Variants in GABPB1 observed in about 807,000 individuals in gnomAD.
GABPB1 encodes GA-binding protein subunit beta-1.
Under a neutral mutation model 45.9 loss-of-function variants are expected in GABPB1, and 15 were observed. That is an observed-to-expected ratio of 0.33 (90% confidence interval 0.22 to 0.50). The LOEUF (loss-of-function observed/expected upper bound fraction) is 0.50, where lower values mean the gene tolerates loss of function less well. Among genes scored for constraint, GABPB1 ranks in the 20% least tolerant of loss-of-function variants. The probability of loss-of-function intolerance (pLI) is 0.98; values close to 1 mark genes in which losing one functional copy is unlikely to be tolerated. For synonymous variants in GABPB1, 143 were observed against 154.4 expected (o/e 0.93, Z 0.55); for missense variants, 252 against 457.5 (o/e 0.55, Z 4.10).
chr15:50,310,531 A>T (rs1402543044), intron 1 of GABPB1, among the ~76,000 whole-genome samples: 1 of 152,198 alleles, frequency 6.6e-6, no homozygotes, highest in Non-Finnish European at 1.5e-5. Context: ...CTTAGCATAA[A>T]TTTTTTTGCA....
Position 50,334,505 on chromosome 15 carries a change from C to CTTTT in GABPB1, c.-1+20476_-1+20479dup, listed in dbSNP as rs60433481. Among the ~76,000 whole-genome samples the CTTTT allele has an allele frequency of 2.5e-3, 275 of 109,372 alleles. 3 individuals carry two copies. The highest frequency in any genetic ancestry group is 2.8e-3 in the African/African-American group (75 of 26,490). The allele number at this position is 109,372 out of a possible 152,430, so 71.8% of individuals were successfully genotyped here. A position where few individuals can be genotyped will look rare whatever the true frequency, so the allele number is the denominator to read the frequency against. On this transcript the variant is annotated intron_variant, in intron 1 of 8. Transcript: ENST00000380877. ...GTTACTTTATCTTTTTCTTTTTTTC[C>CTTTT]TTTTTTTTTTTTTTTTTTTTTTGAG...
intron 8 of GABPB1, among the ~76,000 whole-genome samples, chr15:50,279,274 T>C (rs1036815077): frequency 2.0e-5 from 3 of 152,028 alleles, no homozygotes; most frequent in African/African-American, 7.2e-5. Context: ...ATGAGAAAAA[T>C]GATGCTCAGG....
chr15:50,318,232 T>A (rs1475348487), intron 1 of GABPB1, among the ~76,000 whole-genome samples: 2 of 152,174 alleles, frequency 1.3e-5, no homozygotes, highest in Non-Finnish European at 2.9e-5. Flanking sequence ...AGACCCTTAT[T>A]CTCAATTCTT....
At position 50,309,685 on chromosome 15, in the gene GABPB1, C is replaced by A; in HGVS notation, c.108+6G>T. Reference sequence around the variant, plus strand: ...AAGAACACACAATATTAAAATCATTCTTTACCCAGTCTGTAGTAAAGGGAG... The same window carrying A: ...AAGAACACACAATATTAAAATCATTATTTACCCAGTCTGTAGTAAAGGGAG... On this transcript the variant is annotated splice_donor_region_variant and intron_variant, in intron 2 of 8. Transcript: ENST00000380877. 1 of 1,506,180 alleles carries A rather than the reference C, an allele frequency of 6.6e-7. No individual in the cohort carries two copies. The highest frequency in any genetic ancestry group is 1.4e-5 in the African/African-American group (1 of 72,762). The allele number at this position is 1,506,180 out of a possible 1,614,324, so 93.3% of individuals were successfully genotyped here.
At position 50,275,602 on chromosome 15, in the gene GABPB1, T is replaced by C. The variant is rs2045829774; in HGVS notation, c.*3030A>G. The C allele has an allele frequency of 6.6e-6, 1 of 152,180 alleles. No individual in the cohort carries two copies. Among genetic ancestry groups the C allele is most frequent in the African/African-American group, 2.4e-5 (1 of 41,446 alleles). 9.4% of individuals were successfully genotyped at this position (152,180 alleles called of 1,614,324 possible). On this transcript the variant is annotated 3_prime_UTR_variant, in exon 9 of 9. Transcript: ENST00000380877. ...AGCTTTCATTACATGAGATTTCCCA[T>C]TTATCCTCTTTTCTCTCTAATTGTC...
Position 50,303,964 on chromosome 15 carries a change from A to G in GABPB1, c.276+2T>C. 1.9e-6 allele frequency: 3 copies of G among 1,590,024 alleles called. No individual in the cohort carries two copies. Among genetic ancestry groups the G allele is most frequent in the Non-Finnish European group, 2.6e-6 (3 of 1,171,204 alleles). ...AGCAAAGTGCAAAAAGAGAACACAT[A>G]CCTTAAGTAAAACCTCTACTATGCT... On this transcript the variant is annotated splice_donor_variant, in intron 3 of 8. Transcript: ENST00000380877. LOFTEE classifies it high-confidence loss of function.
intron 1 of GABPB1, chr15:50,348,846 G>A (rs185681849): frequency 1.3e-4 from 20 of 152,086 alleles, no homozygotes; most frequent in African/African-American, 4.8e-4. Flanking sequence ...TGGCGACAGA[G>A]TGAGACTCCA....
At chr15:50,325,769 G>C (rs1042672715) in intron 1 of GABPB1, among the ~76,000 whole-genome samples, 3 of 151,922 alleles carry the variant, frequency 2.0e-5, no homozygotes, top group African/African-American at 7.3e-5. Flanking sequence ...CTAACCTCGT[G>C]ATCTGCCTGC....
chr15:50,283,845 T>C (rs2046074913), intron 8 of GABPB1, among the ~76,000 whole-genome samples: 1 of 152,216 alleles, frequency 6.6e-6, no homozygotes, highest in Admixed American at 6.5e-5. Flanking sequence ...ACAGTCACTC[T>C]GGTCATTGCA....
rs188726899 is a variant in GABPB1, at chr15:50,338,729, A to G, written c.-1+16256T>C. Among the ~76,000 whole-genome samples the G allele has an allele frequency of 6.0e-4, 91 of 151,002 alleles. 1 individual carries two copies. The highest frequency in any genetic ancestry group is 2.1e-3 in the African/African-American group (85 of 41,158). ...ACTTAAGTGATCCACCCGGGCCTTG[A>G]AAAGTGCCAGGATTACAGGCGTGAG... is the stretch of plus-strand genomic sequence containing the variant. On this transcript the variant is annotated intron_variant, in intron 1 of 8. Transcript: ENST00000380877.
At position 50,328,932 on chromosome 15, in the gene GABPB1, T is replaced by C. The variant is rs563241439; in HGVS notation, c.1-19134A>G. 3.9e-5 allele frequency among the ~76,000 whole-genome samples: 6 copies of C among 152,326 alleles called. No homozygotes were observed. The South Asian group carries it at 6.2e-4, about 16-fold the overall frequency. ...TACCAATTTTCAGAGTAAAGAATAA[T>C]AGCCACCTAGCCACCTCCATTTGTT... is the stretch of plus-strand genomic sequence containing the variant. On this transcript the variant is annotated intron_variant, in intron 1 of 8. Transcript: ENST00000380877.
intron 6 of GABPB1, among the ~76,000 whole-genome samples, chr15:50,299,619 G>A (rs752157029): frequency 7.2e-5 from 11 of 151,876 alleles, no homozygotes; most frequent in African/African-American, 2.2e-4. Flanking sequence ...GGCTGGTCTC[G>A]AACTCCTGAC....
chr15:50,308,204 G>A (rs1391639460), intron 2 of GABPB1, among the ~76,000 whole-genome samples: 2 of 152,170 alleles, frequency 1.3e-5, no homozygotes. Flanking sequence ...TTGTGGATAT[G>A]AAGCCTGGGA....
In GABPB1 at chr15:50,300,429, GTTTTTGGTTTTTTTTTTTT is replaced by G. The variant is rs1203002483; in HGVS notation, c.697+341_697+359del. 2.2e-4 allele frequency among the ~76,000 whole-genome samples: 16 copies of G among 72,176 alleles called. 1 individual carries two copies. Among genetic ancestry groups the G allele is most frequent in the African/African-American group, 8.2e-4 (16 of 19,566 alleles). 47.4% of individuals were successfully genotyped at this position (72,176 alleles called of 152,430 possible). ...TTTGTAAATATTTGAATCTGCAACT[GTTTTTGGTTTTTTTTTTTT>G]TTTTTTTTTTTTGAGACAGAGTCTT... On this transcript the variant is annotated intron_variant, in intron 6 of 8. Transcript: ENST00000380877.
At position 50,278,506 on chromosome 15, in the gene GABPB1, G is replaced by A. The variant is rs905943866; in HGVS notation, c.*126C>T. 2 of 613,104 alleles carry A rather than the reference G, an allele frequency of 3.3e-6. No individual in the cohort carries two copies. Among genetic ancestry groups the A allele is most frequent in the Middle Eastern group, 4.7e-4 (1 of 2,122 alleles). 38.0% of individuals were successfully genotyped at this position (613,104 alleles called of 1,614,324 possible). A position where few individuals can be genotyped will look rare whatever the true frequency, so the allele number is the denominator to read the frequency against. ...CAAGAACTCAGAGCTCATGGCTTAA[G>A]TCCAATTATCCATCTGTAGTCTCTT... On this transcript the variant is annotated 3_prime_UTR_variant, in exon 9 of 9. Coordinates refer to ENST00000380877, the MANE Select transcript of GABPB1 (RefSeq NM_016654.5).
chr15:50,301,481 G>A, intron 4 of GABPB1, 113 bp from the exon 5 acceptor site: 2 of 956,082 alleles, frequency 2.1e-6, no homozygotes, highest in Non-Finnish European at 1.6e-6. Context: ...GAATCACATA[G>A]TACAAGTGGA....
intron 1 of GABPB1, among the ~76,000 whole-genome samples, chr15:50,332,346 TTC>T (rs1275986613): frequency 6.6e-6 from 1 of 152,198 alleles, no homozygotes; most frequent in African/African-American, 2.4e-5. Context: ...AAAATCTTTA[TTC>T]TCTCTTTTCC....
At chr15:50,317,489 CTT>C (rs757285834) in intron 1 of GABPB1, among the ~76,000 whole-genome samples, 84 of 150,176 alleles carry the variant, frequency 5.6e-4, no homozygotes, top group Non-Finnish European at 9.2e-4. Context: ...CTTTTTTCTA[CTT>C]TTTTCTAAGT....
At chr15:50,303,414 T>C (rs981185139) in intron 3 of GABPB1, among the ~76,000 whole-genome samples, 2 of 152,218 alleles carry the variant, frequency 1.3e-5, no homozygotes, top group East Asian at 3.9e-4. Context: ...CCGGACATGG[T>C]GGCTCACACC....
Sources: allele counts gnomAD v4.1 joint callset (sites outside exome capture counted in the v4.1 genomes callset), GRCh38; gene constraint gnomAD v4.1.1; transcripts MANE v1.5; gene names NCBI Gene and HGNC (gene_info 2026-07-23, HGNC 2026-07-21).